Variants in PLCH1 observed in about 807,000 individuals in gnomAD.
PLCH1 encodes phospholipase C eta 1, also known as 1-phosphatidylinositol 4,5-bisphosphate phosphodiesterase eta-1.
PLCH1 carries 60 observed loss-of-function variants against 126.7 expected under a neutral mutation model. That is an observed-to-expected ratio of 0.47 (90% CI 0.38 to 0.59). The LOEUF is 0.59. Ranked by LOEUF, PLCH1 falls within the 20% of genes least tolerant of loss-of-function variation. The pLI, the probability that PLCH1 is intolerant of heterozygous loss-of-function variation, is 0.00. For synonymous variants in PLCH1, 719 were observed against 734.9 expected (o/e 0.98, Z 0.35); for missense variants, 1,723 against 2,040.0 (o/e 0.84, Z 2.99).
chr3:155,601,768 G>A (rs1460958075), intron 2 of PLCH1, among the ~76,000 whole-genome samples: 1 of 151,938 alleles, frequency 6.6e-6, no homozygotes, highest in African/African-American at 2.4e-5. Flanking sequence ...ACAATTCACT[G>A]ACTTCAGTTT....
chr3:155,606,037 G>C (rs1027941096), intron 2 of PLCH1, among the ~76,000 whole-genome samples: 7 of 152,058 alleles, frequency 4.6e-5, no homozygotes, highest in African/African-American at 7.2e-5. Flanking sequence ...GGTAAAAAGA[G>C]ATTTTAAAGA....
chr3:155,542,249 G>C (rs142157325), intron 10 of PLCH1, among the ~76,000 whole-genome samples: 1 of 152,170 alleles, frequency 6.6e-6, no homozygotes, highest in African/African-American at 2.4e-5. Flanking sequence ...CACCTGGCTC[G>C]GAGGGTCCTA....
chr3:155,660,557 T>C (rs1742015015), intron 2 of PLCH1, among the ~76,000 whole-genome samples: 1 of 152,220 alleles, frequency 6.6e-6, no homozygotes, highest in Non-Finnish European at 1.5e-5. Context: ...GAAAAACATA[T>C]ACTTCATCCT....
At position 155,485,923 on chromosome 3, in the gene PLCH1, T is replaced by G. The variant is rs1297057291; in HGVS notation, c.2620-213A>C. On this transcript the variant is annotated intron_variant, in intron 21 of 22. Coordinates refer to ENST00000460012, the MANE Select transcript of PLCH1 (RefSeq NM_014996.4). ...ACTTTGCAAGGACTTCAGCCTTCCATTCTTACATCAAGCTTTCCCAGAAGT... is the reference window on the plus strand; with the variant it reads ...ACTTTGCAAGGACTTCAGCCTTCCAGTCTTACATCAAGCTTTCCCAGAAGT... 6.7e-6 allele frequency: 4 copies of G among 601,290 alleles called. No individual in the cohort carries two copies. The African/African-American group carries it at 7.4e-5, about 11-fold the overall frequency. 37.2% of individuals were successfully genotyped at this position (601,290 alleles called of 1,614,324 possible). A position where few individuals can be genotyped will look rare whatever the true frequency, so the allele number is the denominator to read the frequency against.
At chr3:155,532,168 T>C (rs1455434846) in intron 10 of PLCH1, among the ~76,000 whole-genome samples, 3 of 152,152 alleles carry the variant, frequency 2.0e-5, no homozygotes, top group Non-Finnish European at 4.4e-5. Context: ...CAGAGGAAAA[T>C]GGCATCCAGG....
intron 21 of PLCH1, among the ~76,000 whole-genome samples, chr3:155,486,573 G>T (rs545719722): frequency 0.013 from 1,837 of 146,732 alleles, 46 homozygotes; most frequent in African/African-American, 0.044. Flanking sequence ...GCCGGACTGC[G>T]GACTGCAGTG....
chr3:155,627,986 C>T (rs1179799594), intron 2 of PLCH1, among the ~76,000 whole-genome samples: 4 of 151,868 alleles, frequency 2.6e-5, no homozygotes, highest in South Asian at 4.2e-4. Context: ...AGGTTGATCT[C>T]GAACTCCTGA....
At chr3:155,486,197 A>C in intron 21 of PLCH1, 1 of 1,544,594 alleles carries the variant, frequency 6.5e-7, no homozygotes, top group Non-Finnish European at 8.8e-7. Flanking sequence ...TTGAGTATTA[A>C]AGGGCTCCAC....
rs186262642 is a variant in PLCH1, at chr3:155,542,121, C to T, written c.1362+7666G>A. 2.6e-3 allele frequency among the ~76,000 whole-genome samples: 394 copies of T among 152,306 alleles called. 2 individuals carry two copies. Among genetic ancestry groups the T allele is most frequent in the Middle Eastern group, 3.4e-3 (1 of 294 alleles). On this transcript the variant is annotated intron_variant, in intron 10 of 22. Coordinates refer to ENST00000460012, the MANE Select transcript of PLCH1 (RefSeq NM_014996.4). Reference sequence around the variant, plus strand: ...GGAAGCGCAAGGGGTCAGGGAGTTCCCTTTCCCAGTCAAAGAAAGGGGTGA... The same window carrying T: ...GGAAGCGCAAGGGGTCAGGGAGTTCTCTTTCCCAGTCAAAGAAAGGGGTGA...
intron 21 of PLCH1, among the ~76,000 whole-genome samples, chr3:155,470,146 C>A (rs915226316): frequency 2.0e-5 from 3 of 151,272 alleles, no homozygotes; most frequent in Non-Finnish European, 3.0e-5. Flanking sequence ...GGATGACATT[C>A]AAACCAAAGG....
At chr3:155,717,628 C>T (rs1227862526) in intron 1 of PLCH1, among the ~76,000 whole-genome samples, 1 of 152,232 alleles carries the variant, frequency 6.6e-6, no homozygotes, top group Non-Finnish European at 1.5e-5. Flanking sequence ...TGAGCAGAGG[C>T]TAATGCCGGA....
At chr3:155,488,214 T>TC in intron 20 of PLCH1, 107 bp from the exon 21 acceptor site, 1 of 712,726 alleles carries the variant, frequency 1.4e-6, no homozygotes. Flanking sequence ...CTTTTTTTTT[T>TC]TGAGACAGAG....
At chr3:155,620,451 AG>A (rs1736324691) in intron 2 of PLCH1, among the ~76,000 whole-genome samples, 1 of 152,226 alleles carries the variant, frequency 6.6e-6, no homozygotes, top group Non-Finnish European at 1.5e-5. Flanking sequence ...ATAATTGACA[AG>A]GAACAGGAAA....
At chr3:155,694,199 C>A (rs763675107) in intron 2 of PLCH1, among the ~76,000 whole-genome samples, 22 of 152,040 alleles carry the variant, frequency 1.4e-4, no homozygotes, top group Non-Finnish European at 2.4e-4. Context: ...GGTTTTCAAC[C>A]CACCAAAATC....
intron 12 of PLCH1, among the ~76,000 whole-genome samples, chr3:155,510,156 T>A (rs1437586092): frequency 1.1e-5 from 1 of 88,740 alleles, no homozygotes; most frequent in Non-Finnish European, 2.0e-5. Context: ...AAGTCTGTTT[T>A]ATCAGAGACT....
At chr3:155,734,636 G>A (rs1229595635) in intron 1 of PLCH1, among the ~76,000 whole-genome samples, 1 of 151,886 alleles carries the variant, frequency 6.6e-6, no homozygotes, top group African/African-American at 2.4e-5. Flanking sequence ...TCTGACCTAA[G>A]TGTCCATCAG....
rs1713842575 is a variant in PLCH1 at position 155,480,524 on chromosome 3, C to T, written c.*444G>A. On this transcript the variant is annotated 3_prime_UTR_variant, in exon 23 of 23. Coordinates refer to ENST00000460012, the MANE Select transcript of PLCH1 (RefSeq NM_014996.4). ...CTGGGCTTCTGAACAAAGAGGGAAA[C>T]ATAGGAAAAATGATAACAGATTAAA... 1 of 154,652 alleles carries T rather than the reference C, an allele frequency of 6.5e-6. No homozygotes were observed. Among genetic ancestry groups the T allele is most frequent in the African/African-American group, 2.4e-5 (1 of 41,452 alleles). 9.6% of individuals were successfully genotyped at this position (154,652 alleles called of 1,614,324 possible).
intron 1 of PLCH1, among the ~76,000 whole-genome samples, chr3:155,726,646 T>C (rs1374190899): frequency 6.6e-6 from 1 of 152,028 alleles, no homozygotes; most frequent in East Asian, 1.9e-4. Flanking sequence ...TTTTCCAATT[T>C]TCTTTCCTCT....
chr3:155,572,509 C>T (rs879653924), intron 6 of PLCH1, among the ~76,000 whole-genome samples: 2 of 152,098 alleles, frequency 1.3e-5, no homozygotes. Context: ...CTCTGATTTG[C>T]CTCTTTGTGG....
Sources: allele counts gnomAD v4.1 joint callset (sites outside exome capture counted in the v4.1 genomes callset), GRCh38; gene constraint gnomAD v4.1.1; transcripts MANE v1.5; gene names NCBI Gene and HGNC (gene_info 2026-07-23, HGNC 2026-07-21).